Variants in C6 observed in about 807,000 individuals in gnomAD.
The protein encoded by C6 is complement component C6.
A neutral mutation model predicts 112.9 loss-of-function variants in C6; 101 were observed. That is an observed-to-expected ratio of 0.89 (90% CI 0.76 to 1.06). The LOEUF (loss-of-function observed/expected upper bound fraction) is 1.06, where lower values mean the gene tolerates loss of function less well. Among genes scored for constraint, C6 ranks in the 50% least tolerant of loss-of-function variants. C6 has a pLI of 0.00. For synonymous variants in C6, 431 were observed against 384.1 expected (o/e 1.12, Z -1.43); for missense variants, 1,202 against 1,104.6 (o/e 1.09, Z -1.25).
chr5:41,252,328 G>A (rs910369883), intron 1 of C6, among the ~76,000 whole-genome samples: 2 of 152,124 alleles, frequency 1.3e-5, no homozygotes. Flanking sequence ...TTGGCCAAGA[G>A]GATCTCAAAG....
chr5:41,149,968 T>G lies in C6; in HGVS notation c.2348A>C (p.Glu783Ala). The change falls in exon 16 of 18, where the codon GAA (glutamate) becomes GCA (alanine). Residue 783 changes from glutamate to alanine, a missense_variant. Coordinates refer to ENST00000337836, the MANE Select transcript of C6 (RefSeq NM_000065.5). ...CQLGQKQSGS[E>A]CICMSPEEDC... ...TTCTTCTGGAGACATACAAATGCAT[T>G]CAGATCCTGATTGTTTCTGTCCCAG... is the stretch of plus-strand genomic sequence containing the variant. The G allele has an allele frequency of 1.2e-6, 2 of 1,612,976 alleles. No homozygotes were observed. The highest frequency in any genetic ancestry group is 1.1e-5 in the South Asian group (1 of 91,066).
chr5:41,155,772 C>CAA (rs537526902), intron 13 of C6, among the ~76,000 whole-genome samples: 7 of 144,234 alleles, frequency 4.9e-5, no homozygotes, highest in African/African-American at 1.5e-4. Context: ...AAACCCAAAA[C>CAA]AAAAAAAAAA....
At chr5:41,236,271 G>A (rs1740294458) in intron 1 of C6, among the ~76,000 whole-genome samples, 1 of 112,618 alleles carries the variant, frequency 8.9e-6, no homozygotes, top group Non-Finnish European at 1.8e-5. Context: ...GTAAGGAAGG[G>A]ATCCAGTTTC....
In C6 at chr5:41,163,649, G is replaced by A. The variant is rs77247348; in HGVS notation, c.1292-1790C>T. The stretch of plus-strand genomic sequence containing the variant: ...TAAGTGTGTGCAGCCACTACTATGA[G>A]GAAGATAAAAGTTCTGTTTGTTTCA... On this transcript the variant is annotated intron_variant, in intron 9 of 17. Coordinates refer to ENST00000337836, the MANE Select transcript of C6 (RefSeq NM_000065.5). Among the ~76,000 whole-genome samples, 506 of 152,072 alleles carry A rather than the reference G, an allele frequency of 3.3e-3. 3 individuals are homozygous for A. Among genetic ancestry groups the A allele is most frequent in the African/African-American group, 0.012 (487 of 41,480 alleles).
intron 1 of C6, among the ~76,000 whole-genome samples, chr5:41,259,409 T>C (rs1044382016): frequency 1.3e-5 from 2 of 152,072 alleles, no homozygotes; most frequent in Non-Finnish European, 2.9e-5. Flanking sequence ...AGCAATGATG[T>C]CCAGGCTCTT....
chr5:41,160,497 A>G lies in C6; in HGVS notation c.1459-130T>C, dbSNP rs986587042. ...CACTTCAAAGGGATTATTGCAGAATATAGTATTGCACCTGTTGAACCAGTA... is the reference window on the plus strand; with the variant it reads ...CACTTCAAAGGGATTATTGCAGAATGTAGTATTGCACCTGTTGAACCAGTA... On this transcript the variant is annotated intron_variant, in intron 10 of 17. Coordinates refer to ENST00000337836, the MANE Select transcript of C6 (RefSeq NM_000065.5). 4.1e-6 allele frequency: 3 copies of G among 740,518 alleles called. No individual in the cohort carries two copies. The African/African-American group carries it at 5.2e-5, about 13-fold the overall frequency. The allele number at this position is 740,518 out of a possible 1,614,324, so 45.9% of individuals were successfully genotyped here. A position where few individuals can be genotyped will look rare whatever the true frequency, so the allele number is the denominator to read the frequency against.
At chr5:41,200,986 G>T (rs1412565915) in intron 3 of C6, among the ~76,000 whole-genome samples, 2 of 134,884 alleles carry the variant, frequency 1.5e-5, no homozygotes, top group African/African-American at 5.6e-5. Flanking sequence ...AAAAATTTTT[G>T]AGTACCAACA....
At chr5:41,148,451 G>T (rs1276934353) in intron 17 of C6, among the ~76,000 whole-genome samples, 13 of 152,252 alleles carry the variant, frequency 8.5e-5, no homozygotes, top group African/African-American at 2.4e-4. Flanking sequence ...TTTTTATGGG[G>T]TGCTTATCTA....
At chr5:41,212,720 A>G (rs1752025413) in intron 1 of C6, among the ~76,000 whole-genome samples, 2 of 152,216 alleles carry the variant, frequency 1.3e-5, no homozygotes, top group Non-Finnish European at 2.9e-5. Context: ...GAAATTCTTC[A>G]GTTTTCTCAT....
intron 6 of C6, among the ~76,000 whole-genome samples, chr5:41,183,933 A>C (rs568768299): frequency 6.7e-6 from 1 of 148,936 alleles, no homozygotes; most frequent in South Asian, 2.2e-4. Context: ...AACATCGGGC[A>C]CTCATGGACA....
chr5:41,158,907 T>A (rs1349949997), intron 12 of C6, 122 bp from the exon 13 acceptor site: 8 of 1,017,466 alleles, frequency 7.9e-6, no homozygotes, highest in Middle Eastern at 2.1e-4. Context: ...ATAGAAAACA[T>A]TACACACAGA....
intron 8 of C6, among the ~76,000 whole-genome samples, chr5:41,174,633 A>G (rs1255229436): frequency 6.6e-6 from 1 of 152,230 alleles, no homozygotes; most frequent in Non-Finnish European, 1.5e-5. Context: ...ACATTGAACA[A>G]TAGAGAAATA....
At chr5:41,244,773 C>T (rs1245251432) in intron 1 of C6, among the ~76,000 whole-genome samples, 1 of 151,962 alleles carries the variant, frequency 6.6e-6, no homozygotes, top group Non-Finnish European at 1.5e-5. Context: ...GTTAATATCA[C>T]AAAATTCAAT....
At chr5:41,149,644 G>A (rs894214208) in intron 16 of C6, among the ~76,000 whole-genome samples, 162 bp from the exon 17 acceptor site, 1 of 152,114 alleles carries the variant, frequency 6.6e-6, no homozygotes, top group African/African-American at 2.4e-5. Flanking sequence ...GGAAAGTGTT[G>A]ATATAACTGA....
rs1745463291 is a variant in C6 at position 41,142,751 on chromosome 5, G to T, written c.*74C>A. 8 of 1,187,410 alleles carry T rather than the reference G, an allele frequency of 6.7e-6. No homozygotes were observed. Among genetic ancestry groups the T allele is most frequent in the South Asian group, 1.2e-5 (1 of 82,484 alleles). 73.6% of individuals were successfully genotyped at this position (1,187,410 alleles called of 1,614,324 possible). ...GCATGCCAGTCTGCTGTTTGTGCAA[G>T]AATTCTCATTTGTAGGAGTTGGTTC... On this transcript the variant is annotated 3_prime_UTR_variant, in exon 18 of 18. Transcript: ENST00000337836.
chr5:41,247,205 A>G (rs1741072938), intron 1 of C6, among the ~76,000 whole-genome samples: 1 of 152,140 alleles, frequency 6.6e-6, no homozygotes, highest in African/African-American at 2.4e-5. Flanking sequence ...CAAAGGAAAA[A>G]AAATAAATAA....
chr5:41,224,083 G>A (rs1054587708), intron 1 of C6, among the ~76,000 whole-genome samples: 4 of 152,102 alleles, frequency 2.6e-5, no homozygotes, highest in African/African-American at 9.7e-5. Context: ...TATTTAAAGT[G>A]CACGACATGA....
chr5:41,216,902 T>C (rs1304361190), upstream of C6, among the ~76,000 whole-genome samples: 1 of 152,100 alleles, frequency 6.6e-6, no homozygotes, highest in Non-Finnish European at 1.5e-5. Context: ...ACCACGAAAT[T>C]AGCTACAGAG....
chr5:41,147,616 C>G (rs1487003041), intron 17 of C6, among the ~76,000 whole-genome samples: 1 of 152,138 alleles, frequency 6.6e-6, no homozygotes, highest in Non-Finnish European at 1.5e-5. Context: ...TGGTTTTTGT[C>G]TTTCTTTTTG....
Sources: allele counts gnomAD v4.1 joint callset (sites outside exome capture counted in the v4.1 genomes callset), GRCh38; gene constraint gnomAD v4.1.1; transcripts MANE v1.5; gene names NCBI Gene and HGNC (gene_info 2026-07-23, HGNC 2026-07-21).